Variants in HAAO observed in about 807,000 individuals in gnomAD.
The protein encoded by HAAO is 3-hydroxyanthranilate 3,4-dioxygenase, also known as 3-hydroxyanthranilate oxygenase.
HAAO carries 49 observed loss-of-function variants against 46.2 expected under a neutral mutation model. The ratio of observed to expected loss-of-function variants is 1.06; its 90% confidence interval spans 0.84 to 1.34. The LOEUF (loss-of-function observed/expected upper bound fraction) is 1.34. HAAO is among the 40% of genes most tolerant of loss of function. HAAO has a pLI of 0.00. For synonymous variants in HAAO, 157 were observed against 145.2 expected, an observed-to-expected ratio of 1.08 and a Z score of -0.58; for missense variants, 408 against 364.5, an observed-to-expected ratio of 1.12 and a Z score of -0.97.
chr2:42,787,856 T>A (rs1471920108), intron 2 of HAAO, among the ~76,000 whole-genome samples: 1 of 152,114 alleles, frequency 6.6e-6, no homozygotes, highest in Non-Finnish European at 1.5e-5. Context: ...TTGCTTTTGT[T>A]TATTTATTTT....
rs1426735031 is a variant in HAAO at position 42,767,315 on chromosome 2, G to A, written c.*122C>T. 2.7e-6 allele frequency: 2 copies of A among 728,066 alleles called. No individual in the cohort carries two copies. The highest frequency in any genetic ancestry group is 1.5e-5 in the South Asian group (1 of 64,676). 45.1% of individuals were successfully genotyped at this position (728,066 alleles called of 1,614,324 possible). A position where few individuals can be genotyped will look rare whatever the true frequency, so the allele number is the denominator to read the frequency against. On this transcript the variant is annotated 3_prime_UTR_variant, in exon 10 of 10. Transcript: ENST00000294973. ...GAGGGTGGGTGACAACAATGTGCAG[G>A]TCTGTGGGGGACACAGCGGCAGTAC... is the stretch of plus-strand genomic sequence containing the variant.
At position 42,783,349 on chromosome 2, in the gene HAAO, C is replaced by T. The variant is rs184662796; in HGVS notation, c.315G>A (p.Glu105=). ...RFANTVGLVV[E]RRRLETELDG... ...CTAGCTCGGTCTCCAGCCGCCTTCG[C>T]TCAACCACCAGCCCCACGGTGTTGG... is the stretch of plus-strand genomic sequence containing the variant. Residue 105 remains glutamate (E), a synonymous_variant, in exon 4 of 10, where the codon GAG becomes GAA. Transcript: ENST00000294973. 48 of 1,613,300 alleles carry T rather than the reference C, an allele frequency of 3.0e-5. No individual in the cohort carries two copies. The African/African-American group carries it at 5.3e-4, about 18-fold the overall frequency.
At chr2:42,791,923 G>GGT (rs1553413105) in intron 1 of HAAO, among the ~76,000 whole-genome samples, 1 of 150,170 alleles carries the variant, frequency 6.7e-6, no homozygotes, top group Non-Finnish European at 1.5e-5. Flanking sequence ...GGTCTGGTGT[G>GGT]GTGTGTGTGT....
At chr2:42,772,886 C>T (rs908430220) in intron 4 of HAAO, among the ~76,000 whole-genome samples, 13 of 149,782 alleles carry the variant, frequency 8.7e-5, no homozygotes, top group African/African-American at 2.2e-4. Context: ...ATAATGATCA[C>T]GCCACTGCAT....
intron 4 of HAAO, among the ~76,000 whole-genome samples, chr2:42,772,512 C>A (rs1438901392): frequency 6.7e-6 from 1 of 150,208 alleles, no homozygotes; most frequent in Admixed American, 6.6e-5. Flanking sequence ...TCATGAGTTT[C>A]TTTTAAGTAA....
chr2:42,767,628 G>C lies in HAAO; in HGVS notation c.749C>G (p.Pro250Arg). ...AGCTAGCACCAGGAGGCTGTCATCAGGGGCCAGGCTCAGGCGCCGTCCCCC... is the reference window on the plus strand; with the variant it reads ...AGCTAGCACCAGGAGGCTGTCATCACGGGCCAGGCTCAGGCGCCGTCCCCC... Reference protein sequence around the residue: ...TMGGRRLSLAPDDSLLVLAGT... With the variant: ...TMGGRRLSLARDDSLLVLAGT... Residue 250 changes from proline (P) to arginine (R), a missense_variant, in exon 9 of 10, where the codon CCT (proline) becomes CGT (arginine). By Grantham distance (103) the Pro-to-Arg change is moderately radical. Coordinates refer to ENST00000294973, the MANE Select transcript of HAAO (RefSeq NM_012205.3). 1 of 1,573,110 alleles carries C rather than the reference G, an allele frequency of 6.4e-7. No homozygotes were observed. Among genetic ancestry groups the C allele is most frequent in the Non-Finnish European group, 8.6e-7 (1 of 1,158,508 alleles).
chr2:42,776,737 A>G lies in HAAO; in HGVS notation c.351-6155T>C, dbSNP rs557947278. On this transcript the variant is annotated intron_variant, in intron 4 of 9. Coordinates refer to ENST00000294973, the MANE Select transcript of HAAO (RefSeq NM_012205.3). ...AACTTCCGCCTCTTGGGTTCAAGCA[A>G]TTCTCTGCCTCAGCCTCCTGAATAG... Among the ~76,000 whole-genome samples the G allele has an allele frequency of 9.1e-4, 137 of 150,738 alleles. No homozygotes were observed. In the Middle Eastern group the frequency reaches 0.01, roughly 11 times the overall value.
intron 4 of HAAO, among the ~76,000 whole-genome samples, chr2:42,779,175 T>C (rs948505689): frequency 1.3e-5 from 2 of 152,178 alleles, no homozygotes; most frequent in Non-Finnish European, 2.9e-5. Flanking sequence ...AAAGGTACAC[T>C]GATGCAAGAC....
rs113893710 is a variant in HAAO, at chr2:42,789,689, T to G, written c.81-1082A>C. On this transcript the variant is annotated intron_variant, in intron 1 of 9. Coordinates refer to ENST00000294973, the MANE Select transcript of HAAO (RefSeq NM_012205.3). The stretch of plus-strand genomic sequence containing the variant: ...AACCTGAGCCAGGTCTCAGGCTCCT[T>G]GACTCCCACGCTGGCGTTGGGTCTG... 2.0e-4 allele frequency among the ~76,000 whole-genome samples: 30 copies of G among 152,326 alleles called. 1 individual carries two copies. The highest frequency in any genetic ancestry group is 6.7e-4 in the African/African-American group (28 of 41,572).
In HAAO at chr2:42,769,606, AGTGTGTGTGTG is replaced by A. The variant is rs1670942604; in HGVS notation, c.630+96_630+106del. The A allele has an allele frequency of 1.1e-4, 70 of 660,468 alleles. 1 individual carries two copies. The highest frequency in any genetic ancestry group is 2.7e-4 in the South Asian group (14 of 52,760). The allele number at this position is 660,468 out of a possible 1,614,324, so 40.9% of individuals were successfully genotyped here. A position where few individuals can be genotyped will look rare whatever the true frequency, so the allele number is the denominator to read the frequency against. On this transcript the variant is annotated intron_variant, in intron 7 of 9. Transcript: ENST00000294973. ...GTGTGTGTGTGTGTGTGTGTGTGTGAGTGTGTGTGTGAAAGAGAGAGAGAGAGAGGCAGTGA... is the reference window on the plus strand; with the variant it reads ...GTGTGTGTGTGTGTGTGTGTGTGTGAAAAGAGAGAGAGAGAGAGGCAGTGA...
In HAAO at chr2:42,776,231, C is replaced by CTTTTTTT. The variant is rs57398023; in HGVS notation, c.351-5656_351-5650dup. On this transcript the variant is annotated intron_variant, in intron 4 of 9. Coordinates refer to ENST00000294973, the MANE Select transcript of HAAO (RefSeq NM_012205.3). Reference sequence around the variant, plus strand: ...ATTTTATGTTTGACTTGGCATCCATCTTTTTTTTTTTTTTTTTTTTTTTTT... The same window carrying CTTTTTTT: ...ATTTTATGTTTGACTTGGCATCCATCTTTTTTTTTTTTTTTTTTTTTTTTTTTTTTTT... 3.4e-4 allele frequency among the ~76,000 whole-genome samples: 24 copies of CTTTTTTT among 71,220 alleles called. 1 individual carries two copies. Among genetic ancestry groups the CTTTTTTT allele is most frequent in the African/African-American group, 9.2e-4 (15 of 16,338 alleles). The allele number at this position is 71,220 out of a possible 152,430, so 46.7% of individuals were successfully genotyped here. A position where few individuals can be genotyped will look rare whatever the true frequency, so the allele number is the denominator to read the frequency against.
chr2:42,769,835 A>G lies in HAAO; in HGVS notation c.508T>C (p.Phe170Leu). Reference sequence around the variant, plus strand: ...ATGATGGATCGTGTGCTCAGAGGGAATGGTGGCTCCTTGAGCAGCTGGTCT... The same window carrying G: ...ATGATGGATCGTGTGCTCAGAGGGAGTGGTGGCTCCTTGAGCAGCTGGTCT... The part of the protein sequence containing the change: ...IPDQLLKEPP[F>L]PLSTRSIMEP... The change falls in exon 7 of 10, where the codon TTC (phenylalanine) becomes CTC (leucine). Residue 170 changes from phenylalanine to leucine, a missense_variant. Physicochemically the swap from Phe to Leu is conservative, Grantham distance 22. Coordinates refer to ENST00000294973, the MANE Select transcript of HAAO (RefSeq NM_012205.3). 6.2e-7 allele frequency: 1 copy of G among 1,612,928 alleles called. No individual in the cohort carries two copies.
intron 4 of HAAO, among the ~76,000 whole-genome samples, chr2:42,773,042 C>T (rs1671269349): frequency 6.6e-6 from 1 of 151,924 alleles, no homozygotes; most frequent in Non-Finnish European, 1.5e-5. Context: ...AATTGGGTGA[C>T]TGATCAGAAC....
At chr2:42,777,807 T>C (rs1175498133) in intron 4 of HAAO, among the ~76,000 whole-genome samples, 1 of 152,092 alleles carries the variant, frequency 6.6e-6, no homozygotes, top group Non-Finnish European at 1.5e-5. Flanking sequence ...AAAACATTCT[T>C]TCTAAAAAAA....
At chr2:42,770,401 C>G in intron 5 of HAAO, 92 bp downstream of exon 5, 5 of 1,057,108 alleles carry the variant, frequency 4.7e-6, no homozygotes, top group Non-Finnish European at 6.9e-6. Flanking sequence ...GCCAGGATCT[C>G]CACCCTGGGA....
chr2:42,777,822 T>G (rs573622225), intron 4 of HAAO, among the ~76,000 whole-genome samples: 1 of 151,916 alleles, frequency 6.6e-6, no homozygotes, highest in Non-Finnish European at 1.5e-5. Flanking sequence ...AAAAAAAAGG[T>G]GTGTCCTTTT....
intron 4 of HAAO, among the ~76,000 whole-genome samples, chr2:42,777,150 A>T (rs1671639846): frequency 6.6e-6 from 1 of 151,590 alleles, no homozygotes; most frequent in African/African-American, 2.4e-5. Flanking sequence ...AAAAATACAA[A>T]AAATTAGCTG....
chr2:42,783,781 C>T lies in HAAO; in HGVS notation c.243+3G>A, dbSNP rs1368056485. On this transcript the variant is annotated splice_donor_region_variant and intron_variant, in intron 3 of 9. Transcript: ENST00000294973. ...TCCCCACCCTGCTGGGATCCGGCCT[C>T]ACCTCTCCCTGCCGAATGACCACAT... The T allele has an allele frequency of 6.2e-6, 10 of 1,610,562 alleles. No individual in the cohort carries two copies. The highest frequency in any genetic ancestry group is 8.5e-6 in the Non-Finnish European group (10 of 1,178,298).
chr2:42,767,838 C>T (rs1403797273), intron 8 of HAAO, 22 bp downstream of exon 8: 3 of 1,612,278 alleles, frequency 1.9e-6, no homozygotes, highest in Non-Finnish European at 2.5e-6. Context: ...GTTCTGCAAC[C>T]CTGTCCCTGG....
Sources: gnomAD v4.1 joint callset for allele counts (sites outside exome capture counted in the v4.1 genomes callset) on GRCh38, gnomAD v4.1.1 for gene constraint, MANE v1.5 for transcripts, NCBI Gene and HGNC (gene_info 2026-07-23, HGNC 2026-07-21) for gene names.